The following AIG1 variants were observed in gnomAD, a reference collection of about 807,000 sequenced individuals.
The protein encoded by AIG1 is androgen induced 1.
A neutral mutation model predicts 31.4 loss-of-function variants in AIG1; 23 were observed. The ratio of observed to expected loss-of-function variants is 0.73; its 90% CI spans 0.53 to 1.04. AIG1 has a LOEUF of 1.04. Ranked by LOEUF, AIG1 falls within the 50% of genes least tolerant of loss-of-function variation. AIG1 has a pLI of 0.00. For synonymous variants in AIG1, 100 were observed against 110.5 expected (o/e 0.90, Z 0.60); for missense variants, 274 against 295.0 (o/e 0.93, Z 0.52).
intron 3 of AIG1, chr6:143,190,089 A>C: frequency 1.3e-6 from 1 of 785,052 alleles, no homozygotes; most frequent in Non-Finnish European, 1.5e-6. Context: ...CCAGTGACCT[A>C]ATCACTTCCC....
In AIG1 at chr6:143,131,333, A is replaced by G. The variant is rs953603190; in HGVS notation, c.142-5502A>G. On this transcript the variant is annotated intron_variant, in intron 1 of 5. Coordinates refer to ENST00000357847, the MANE Select transcript of AIG1 (RefSeq NM_016108.4). Reference sequence around the variant, plus strand: ...AGCTATGGGAGACAAAATTTTTTAAATGGCCCCCAGAGATGTTTCACACTA... The same window carrying G: ...AGCTATGGGAGACAAAATTTTTTAAGTGGCCCCCAGAGATGTTTCACACTA... 2.0e-5 allele frequency among the ~76,000 whole-genome samples: 3 copies of G among 152,302 alleles called. No individual in the cohort carries two copies. In the South Asian group the frequency reaches 6.2e-4, roughly 32 times the overall value.
At chr6:143,285,063 G>T (rs1321704201) in intron 4 of AIG1, among the ~76,000 whole-genome samples, 2 of 152,004 alleles carry the variant, frequency 1.3e-5, no homozygotes, top group African/African-American at 4.8e-5. Flanking sequence ...CAAAGGACTG[G>T]ATAGTGTTCT....
intron 4 of AIG1, among the ~76,000 whole-genome samples, chr6:143,286,207 T>C (rs1035591820): frequency 6.6e-6 from 1 of 152,154 alleles, no homozygotes; most frequent in Non-Finnish European, 1.5e-5. Context: ...CTGTCTTCCA[T>C]TGTGGGTAGA....
intron 3 of AIG1, among the ~76,000 whole-genome samples, chr6:143,262,090 C>T (rs1453912559): frequency 1.3e-5 from 2 of 152,202 alleles, no homozygotes; most frequent in Non-Finnish European, 2.9e-5. Context: ...CAGCTCAGCC[C>T]ATGGATGTTC....
chr6:143,323,341 C>T (rs1776366616), intron 4 of AIG1, among the ~76,000 whole-genome samples: 2 of 152,148 alleles, frequency 1.3e-5, no homozygotes, highest in Non-Finnish European at 1.5e-5. Flanking sequence ...GATACAAATG[C>T]ATAAGCCTGC....
chr6:143,193,613 AC>A (rs536452679), intron 3 of AIG1, among the ~76,000 whole-genome samples: 223 of 152,358 alleles, frequency 1.5e-3, no homozygotes, highest in African/African-American at 5.1e-3. Context: ...TTTAAGGACA[AC>A]CAAGAAGTTG....
At chr6:143,227,408 C>T (rs1433357065) in intron 3 of AIG1, among the ~76,000 whole-genome samples, 1 of 152,080 alleles carries the variant, frequency 6.6e-6, no homozygotes. Context: ...CCCATTTGGC[C>T]CTATTGGCAT....
chr6:143,250,096 G>A (rs535406831), intron 3 of AIG1, among the ~76,000 whole-genome samples: 1 of 152,360 alleles, frequency 6.6e-6, no homozygotes, highest in South Asian at 2.1e-4. Flanking sequence ...GACCACTTTG[G>A]CATCCCTGCT....
At position 143,292,255 on chromosome 6, in the gene AIG1, G is replaced by A. The variant is rs544396751; in HGVS notation, c.515+8030G>A. Among the ~76,000 whole-genome samples the A allele has an allele frequency of 2.6e-5, 4 of 152,308 alleles. No homozygotes were observed. The highest frequency in any genetic ancestry group is 4.8e-5 in the African/African-American group (2 of 41,574). On this transcript the variant is annotated intron_variant, in intron 4 of 5. Transcript: ENST00000357847. This position sits in a 1 kb window ranked among gnomAD's most constrained non-coding sequence, Gnocchi z 4.9. ...TTCCCTGACATGGCATGTGGCAAAA[G>A]GGACTTTGCAGGTGTGATTAAGGTA... is the stretch of plus-strand genomic sequence containing the variant.
intron 1 of AIG1, among the ~76,000 whole-genome samples, chr6:143,102,489 A>T (rs991638698): frequency 3.4e-5 from 5 of 147,396 alleles, no homozygotes; most frequent in Non-Finnish European, 6.0e-5. Flanking sequence ...AATATATATA[A>T]AAATATATAA....
chr6:143,248,180 A>G (rs1794748622), intron 3 of AIG1, among the ~76,000 whole-genome samples: 1 of 152,258 alleles, frequency 6.6e-6, no homozygotes, highest in African/African-American at 2.4e-5. Flanking sequence ...TTCTGCAGGG[A>G]AAAAAACAGA....
intron 2 of AIG1, among the ~76,000 whole-genome samples, chr6:143,151,100 A>AACTCCTCCC (rs1785185581): frequency 6.6e-6 from 1 of 151,998 alleles, no homozygotes; most frequent in Non-Finnish European, 1.5e-5. Flanking sequence ...TTTTTTTGCT[A>AACTCCTCCC]ACTCCTCCCA....
Position 143,328,333 on chromosome 6 carries a change from A to G in AIG1, c.516-4949A>G, listed in dbSNP as rs1012370989. 2.0e-5 allele frequency among the ~76,000 whole-genome samples: 3 copies of G among 152,176 alleles called. No homozygotes were observed. Among genetic ancestry groups the G allele is most frequent in the African/African-American group, 7.2e-5 (3 of 41,442 alleles). On this transcript the variant is annotated intron_variant, in intron 4 of 5. Coordinates refer to ENST00000357847, the MANE Select transcript of AIG1 (RefSeq NM_016108.4). This position sits in a 1 kb window ranked among gnomAD's most constrained non-coding sequence, Gnocchi z 4.0. Reference sequence around the variant, plus strand: ...TGAGTAGTACTTGTGAAGTATTTGGAAACTTTTGATTGTGCTTTAATGAAA... The same window carrying G: ...TGAGTAGTACTTGTGAAGTATTTGGGAACTTTTGATTGTGCTTTAATGAAA...
In AIG1 at chr6:143,082,957, T is replaced by C. The variant is rs549416950; in HGVS notation, c.141+21891T>C. 2.0e-5 allele frequency among the ~76,000 whole-genome samples: 3 copies of C among 152,350 alleles called. No homozygotes were observed. The South Asian group carries it at 6.2e-4, about 32-fold the overall frequency. Reference sequence around the variant, plus strand: ...TATTGGCTTTCTGAGTTTCCTTAATTAGTGTGTATAATGGCCTGGCTATTT... The same window carrying C: ...TATTGGCTTTCTGAGTTTCCTTAATCAGTGTGTATAATGGCCTGGCTATTT... On this transcript the variant is annotated intron_variant, in intron 1 of 5. Transcript: ENST00000357847.
intron 2 of AIG1, among the ~76,000 whole-genome samples, chr6:143,143,528 A>AAAAAAAATATATATAT (rs1554249782): frequency 3.6e-5 from 1 of 27,778 alleles, no homozygotes; most frequent in Admixed American, 4.8e-4. Context: ...AAAAAAAAAA[A>AAAAAAAATATATATAT]ATATATATAT....
At chr6:143,199,311 A>G (rs1284321376) in intron 3 of AIG1, among the ~76,000 whole-genome samples, 3 of 152,164 alleles carry the variant, frequency 2.0e-5, no homozygotes, top group South Asian at 2.1e-4. Context: ...TAAGATATAC[A>G]TAAGTGAAAT....
intron 3 of AIG1, chr6:143,189,056 G>T (rs1358071987): frequency 1.0e-6 from 1 of 953,026 alleles, no homozygotes; most frequent in East Asian, 1.2e-4. Flanking sequence ...ATTTTTTGGA[G>T]ACTTTTTAAG....
Position 143,137,007 on chromosome 6 carries a change from A to T in AIG1, c.297+17A>T. 7.3e-7 allele frequency: 1 copy of T among 1,361,360 alleles called. No individual in the cohort carries two copies. The highest frequency in any genetic ancestry group is 9.6e-7 in the Non-Finnish European group (1 of 1,042,882). 84.3% of individuals were successfully genotyped at this position (1,361,360 alleles called of 1,614,324 possible). A position where few individuals can be genotyped will look rare whatever the true frequency, so the allele number is the denominator to read the frequency against. The stretch of plus-strand genomic sequence containing the variant: ...GTTGGGGTTGTGAGTATGATGGAGG[A>T]TGCATTTAGCCACAAAAGAAACTTG... On this transcript the variant is annotated intron_variant, in intron 2 of 5. Transcript: ENST00000357847.
At chr6:143,190,982 T>G (rs1465132351) in intron 3 of AIG1, among the ~76,000 whole-genome samples, 3 of 151,770 alleles carry the variant, frequency 2.0e-5, no homozygotes, top group Non-Finnish European at 4.4e-5. Flanking sequence ...CACTATCTAT[T>G]TTTTTTTAAT....
Sources: gnomAD v4.1 joint callset for allele counts (sites outside exome capture counted in the v4.1 genomes callset) on GRCh38, gnomAD v4.1.1 for gene constraint, Gnocchi (gnomAD v3.1) non-coding constraint, MANE v1.5 for transcripts, NCBI Gene and HGNC (gene_info 2026-07-23, HGNC 2026-07-21) for gene names.